The following SEC61A2 variants were observed in gnomAD, a reference collection of about 807,000 sequenced individuals.
SEC61A2 encodes SEC61 translocon subunit alpha 2.
A neutral mutation model predicts 59.9 loss-of-function variants in SEC61A2; 28 were observed. The observed-to-expected ratio is 0.47, with a 90% CI of 0.35 to 0.64. The LOEUF (loss-of-function observed/expected upper bound fraction) is 0.64. Among genes scored for constraint, SEC61A2 ranks in the 30% least tolerant of loss-of-function variants. SEC61A2 has a pLI of 0.01. For synonymous variants in SEC61A2, 202 were observed against 214.4 expected, an observed-to-expected ratio of 0.94 and a Z score of 0.50; for missense variants, 340 against 585.9, an observed-to-expected ratio of 0.58 and a Z score of 4.33.
rs1271280015 is a variant in SEC61A2, at chr10:12,155,908, C to T, written c.593C>T (p.Pro198Leu). 2 of 1,614,150 alleles carry T rather than the reference C, an allele frequency of 1.2e-6. No homozygotes were observed. Among genetic ancestry groups the T allele is most frequent in the East Asian group, 2.2e-5 (1 of 44,876 alleles). ...ACCATTGTCTGGAAGGCCTTTAGTC[C>T]CACTACCATTAACACTGGCAGAGGT... ...CETIVWKAFSPTTINTGRGTE... is the reference protein window; with the variant it reads ...CETIVWKAFSLTTINTGRGTE... Residue 198 changes from proline to leucine, a missense_variant, in exon 7 of 12, where the codon CCC becomes CTC. By Grantham distance (98) the Pro-to-Leu change is moderately conservative. Coordinates refer to ENST00000298428, the MANE Select transcript of SEC61A2 (RefSeq NM_018144.4). The surrounding 1 kb of genome is among the most constrained non-coding windows in gnomAD (Gnocchi z 4.3).
chr10:12,144,046 G>T (rs936909768), intron 4 of SEC61A2, among the ~76,000 whole-genome samples: 6 of 152,050 alleles, frequency 3.9e-5, no homozygotes, highest in African/African-American at 1.2e-4. Context: ...GCCTAGGCTG[G>T]TCTTGAACTC....
chr10:12,131,945 T>C (rs78532922), intron 1 of SEC61A2, among the ~76,000 whole-genome samples: 3,176 of 3,226 alleles, frequency 0.98, 1,563 homozygotes, highest in Middle Eastern at 1. Context: ...GATCCGCCTT[T>C]CTCGGCCTCC....
chr10:12,135,973 T>G (rs766968329), intron 2 of SEC61A2, 132 bp from the exon 3 acceptor site: 128 of 671,586 alleles, frequency 1.9e-4, no homozygotes, highest in Non-Finnish European at 3.2e-4. Context: ...AAATGCTTCC[T>G]TTATAACACA....
Position 12,161,147 on chromosome 10 carries a change from A to G in SEC61A2, c.1167+26A>G, listed in dbSNP as rs375447299. The G allele has an allele frequency of 6.4e-6, 10 of 1,566,342 alleles. No individual in the cohort carries two copies. The East Asian group carries it at 2.0e-4, about 32-fold the overall frequency. On this transcript the variant is annotated intron_variant, in intron 10 of 11. Coordinates refer to ENST00000298428, the MANE Select transcript of SEC61A2 (RefSeq NM_018144.4). This position sits in a 1 kb window ranked among gnomAD's most constrained non-coding sequence, Gnocchi z 5.4. ...GTAAGTGTTTGGTTTATTTTAAAAT[A>G]AAACTCTTGGCAATGCATGGTGGCG...
chr10:12,162,085 T>G lies in SEC61A2; in HGVS notation c.1168-128T>G. On this transcript the variant is annotated intron_variant, in intron 10 of 11. Coordinates refer to ENST00000298428, the MANE Select transcript of SEC61A2 (RefSeq NM_018144.4). The surrounding 1 kb of genome is among the most constrained non-coding windows in gnomAD (Gnocchi z 6.1). Reference sequence around the variant, plus strand: ...TTCCTCAGGCTTAATGCGAATGATATGACAATGCAACTTTCAGGTTATTGT... The same window carrying G: ...TTCCTCAGGCTTAATGCGAATGATAGGACAATGCAACTTTCAGGTTATTGT... 1 of 750,488 alleles carries G rather than the reference T, an allele frequency of 1.3e-6. No individual in the cohort carries two copies. Among genetic ancestry groups the G allele is most frequent in the Non-Finnish European group, 2.4e-6 (1 of 422,040 alleles). The allele number at this position is 750,488 out of a possible 1,614,324, so 46.5% of individuals were successfully genotyped here.
At position 12,153,839 on chromosome 10, in the gene SEC61A2, T is replaced by C. The variant is rs1310053841; in HGVS notation, c.463-1939T>C. ...GTTTTGAAAACTGTTTGCATGCCGT[T>C]GTGGAAGGTATTTCTCACCTTATTT... is the stretch of plus-strand genomic sequence containing the variant. On this transcript the variant is annotated intron_variant, in intron 6 of 11. Coordinates refer to ENST00000298428, the MANE Select transcript of SEC61A2 (RefSeq NM_018144.4). The surrounding 1 kb of genome is among the most constrained non-coding windows in gnomAD (Gnocchi z 5.2). The C allele has an allele frequency of 1.3e-6, 2 of 1,576,130 alleles. No homozygotes were observed. Among genetic ancestry groups the C allele is most frequent in the East Asian group, 2.3e-5 (1 of 43,988 alleles).
In SEC61A2 at chr10:12,159,491, C is replaced by A. The variant is rs7100085; in HGVS notation, c.975+1386C>A. On this transcript the variant is annotated intron_variant, in intron 9 of 11. Coordinates refer to ENST00000298428, the MANE Select transcript of SEC61A2 (RefSeq NM_018144.4). ...TAGCTTGAAGGCCAGGAGTTGGAGACCTGTCTGGGCAACATAGCGAGACCC... is the reference window on the plus strand; with the variant it reads ...TAGCTTGAAGGCCAGGAGTTGGAGAACTGTCTGGGCAACATAGCGAGACCC... Among the ~76,000 whole-genome samples, 1,121 of 152,100 alleles carry A rather than the reference C, an allele frequency of 7.4e-3. 12 individuals are homozygous for A. Among genetic ancestry groups the A allele is most frequent in the African/African-American group, 0.026 (1,081 of 41,494 alleles).
At chr10:12,144,535 G>A (rs1564410232) in intron 4 of SEC61A2, among the ~76,000 whole-genome samples, 2 of 152,262 alleles carry the variant, frequency 1.3e-5, no homozygotes, top group Non-Finnish European at 2.9e-5. Context: ...GCAAGGTGCC[G>A]AGATTAGAGC....
Position 12,134,842 on chromosome 10 carries a change from T to C in SEC61A2, c.76-1263T>C, listed in dbSNP as rs796486820. Among the ~76,000 whole-genome samples, 170 of 150,188 alleles carry C rather than the reference T, an allele frequency of 1.1e-3. 1 individual carries two copies. Among genetic ancestry groups the C allele is most frequent in the African/African-American group, 4.0e-3 (164 of 40,722 alleles). ...CTGAGGCAGGAGAATCGCTTGAACCTGGGGTGGTAGAGGTTGCAGTGAGCC... is the reference window on the plus strand; with the variant it reads ...CTGAGGCAGGAGAATCGCTTGAACCCGGGGTGGTAGAGGTTGCAGTGAGCC... On this transcript the variant is annotated intron_variant, in intron 2 of 11. Transcript: ENST00000298428.
chr10:12,149,483 G>T lies in SEC61A2; in HGVS notation c.221-112G>T, dbSNP rs1834226649. Reference sequence around the variant, plus strand: ...GTGTTTAAGAAATGAAAATTTGCTTGTTAAAATTTTCACGTGTGTTTCAGT... The same window carrying T: ...GTGTTTAAGAAATGAAAATTTGCTTTTTAAAATTTTCACGTGTGTTTCAGT... On this transcript the variant is annotated intron_variant, in intron 4 of 11. Coordinates refer to ENST00000298428, the MANE Select transcript of SEC61A2 (RefSeq NM_018144.4). The surrounding 1 kb of genome is among the most constrained non-coding windows in gnomAD (Gnocchi z 5.2). 2 of 1,065,690 alleles carry T rather than the reference G, an allele frequency of 1.9e-6. No individual in the cohort carries two copies. The highest frequency in any genetic ancestry group is 3.0e-4 in the Middle Eastern group (1 of 3,364). 66.0% of individuals were successfully genotyped at this position (1,065,690 alleles called of 1,614,324 possible).
Position 12,148,154 on chromosome 10 carries a change from T to A in SEC61A2, c.221-1441T>A, listed in dbSNP as rs191500940. On this transcript the variant is annotated intron_variant, in intron 4 of 11. Coordinates refer to ENST00000298428, the MANE Select transcript of SEC61A2 (RefSeq NM_018144.4). The stretch of plus-strand genomic sequence containing the variant: ...CGGGGTTTCACCATATTGGCCAGGC[T>A]GGTCTCAAACTCCTGACCTCATGAT... 2.6e-3 allele frequency among the ~76,000 whole-genome samples: 392 copies of A among 151,848 alleles called. 1 individual carries two copies. Among genetic ancestry groups the A allele is most frequent in the African/African-American group, 9.1e-3 (377 of 41,408 alleles).
In SEC61A2 at chr10:12,161,244, G is replaced by T; in HGVS notation, c.1167+123G>T. On this transcript the variant is annotated intron_variant, in intron 10 of 11. Coordinates refer to ENST00000298428, the MANE Select transcript of SEC61A2 (RefSeq NM_018144.4). This position sits in a 1 kb window ranked among gnomAD's most constrained non-coding sequence, Gnocchi z 5.4. Reference sequence around the variant, plus strand: ...CTTCACCTCAGGAGTTTTGAGACCAGCCTGGGCAACATAGCGAGACCCCGT... The same window carrying T: ...CTTCACCTCAGGAGTTTTGAGACCATCCTGGGCAACATAGCGAGACCCCGT... The T allele has an allele frequency of 2.8e-6, 2 of 717,404 alleles. No homozygotes were observed. Among genetic ancestry groups the T allele is most frequent in the Non-Finnish European group, 4.5e-6 (2 of 448,854 alleles). 44.4% of individuals were successfully genotyped at this position (717,404 alleles called of 1,614,324 possible). A position where few individuals can be genotyped will look rare whatever the true frequency, so the allele number is the denominator to read the frequency against.
At position 12,158,719 on chromosome 10, in the gene SEC61A2, G is replaced by C. The variant is rs1834463147; in HGVS notation, c.975+614G>C. 6.6e-6 allele frequency among the ~76,000 whole-genome samples: 1 copy of C among 152,080 alleles called. No individual in the cohort carries two copies. The highest frequency in any genetic ancestry group is 1.5e-5 in the Non-Finnish European group (1 of 68,006). ...CACTCCAGCCTGGGCGACAGAACGA[G>C]ACTCCGTCTCCAAAAAATAAAAACA... On this transcript the variant is annotated intron_variant, in intron 9 of 11. Coordinates refer to ENST00000298428, the MANE Select transcript of SEC61A2 (RefSeq NM_018144.4). This position sits in a 1 kb window ranked among gnomAD's most constrained non-coding sequence, Gnocchi z 5.7.
At chr10:12,135,521 G>A (rs902937985) in intron 2 of SEC61A2, among the ~76,000 whole-genome samples, 4 of 152,126 alleles carry the variant, frequency 2.6e-5, no homozygotes, top group Non-Finnish European at 5.9e-5. Flanking sequence ...AATGTATTAT[G>A]TAGTGGTGAA....
chr10:12,144,594 T>TGGGGAGGTACCTGGGGTG (rs1834097760), intron 4 of SEC61A2, among the ~76,000 whole-genome samples: 1 of 152,100 alleles, frequency 6.6e-6, no homozygotes, highest in African/African-American at 2.4e-5. Context: ...ATTTGCTGTT[T>TGGGGAGGTACCTGGGGTG]GGGGAGGTAC....
downstream of SEC61A2, chr10:12,167,049 G>A (rs752736811): frequency 1.6e-4 from 29 of 177,834 alleles, no homozygotes; most frequent in Non-Finnish European, 2.4e-4. Flanking sequence ...AGATGCTTGC[G>A]GGATGGACCT....
At chr10:12,136,237 G>A (rs1450944836) in intron 3 of SEC61A2, 67 bp downstream of exon 3, 14 of 1,031,854 alleles carry the variant, frequency 1.4e-5, no homozygotes, top group Non-Finnish European at 1.8e-5. Flanking sequence ...GTTAGAATTT[G>A]AGAATTTTTT....
Position 12,149,694 on chromosome 10 carries a change from A to G in SEC61A2, c.320A>G (p.Lys107Arg). 6.2e-7 allele frequency: 1 copy of G among 1,613,868 alleles called. No homozygotes were observed. The highest frequency in any genetic ancestry group is 8.5e-7 in the Non-Finnish European group (1 of 1,179,952). ...AKIIEVGDTP[K>R]DRALFNGAQK... ...ATCATTGAAGTTGGAGATACACCGAAAGATAGAGCTTTATTCAATGGAGCC... is the reference window on the plus strand; with the variant it reads ...ATCATTGAAGTTGGAGATACACCGAGAGATAGAGCTTTATTCAATGGAGCC... The change falls in exon 5 of 12, where the codon AAA (lysine) becomes AGA (arginine). Residue 107 changes from lysine to arginine, a missense_variant. Lys to Arg is a conservative substitution (Grantham distance 26). Around this residue, in one of 3 missense-constraint regions of SEC61A2, gnomAD observed 283 missense variants for 483.2 expected, o/e 0.59. Transcript: ENST00000298428. The surrounding 1 kb of genome is among the most constrained non-coding windows in gnomAD (Gnocchi z 5.2).
intron 1 of SEC61A2, 54 bp from the exon 2 acceptor site, chr10:12,133,187 G>T (rs1382188275): frequency 1.1e-6 from 1 of 890,882 alleles, no homozygotes; most frequent in East Asian, 2.6e-5. Flanking sequence ...TAGAAAGACA[G>T]ATCTTTTTTT....
Sources: allele counts gnomAD v4.1 joint callset (sites outside exome capture counted in the v4.1 genomes callset), GRCh38; gene constraint gnomAD v4.1.1; regional missense constraint gnomAD v4.1.1; non-coding constraint Gnocchi (gnomAD v3.1); transcripts MANE v1.5; gene names NCBI Gene and HGNC (gene_info 2026-07-23, HGNC 2026-07-21).